Variants in STRN3 observed in about 807,000 individuals in gnomAD.
The protein encoded by STRN3 is striatin-3.
STRN3 carries 29 observed loss-of-function variants against 95.6 expected under a neutral mutation model. The ratio of observed to expected loss-of-function variants is 0.30; its 90% CI spans 0.23 to 0.41. STRN3 has a LOEUF of 0.41. Among genes scored for constraint, STRN3 ranks in the 10% least tolerant of loss-of-function variants. STRN3 has a pLI of 1.00. For synonymous variants in STRN3, 331 were observed against 357.6 expected, an observed-to-expected ratio of 0.93 and a Z score of 0.84; for missense variants, 890 against 972.1, an observed-to-expected ratio of 0.92 and a Z score of 1.12.
intron 1 of STRN3, among the ~76,000 whole-genome samples, chr14:30,977,148 C>T (rs1400800157): frequency 6.6e-6 from 1 of 152,066 alleles, no homozygotes; most frequent in African/African-American, 2.4e-5. Flanking sequence ...GTCGCTTGAA[C>T]CCAGGAGGCA....
rs1222082828 is a variant in STRN3 at position 30,947,203 on chromosome 14, C to T, written c.603G>A (p.Arg201=). The T allele has an allele frequency of 6.2e-7, 1 of 1,612,990 alleles. No individual in the cohort carries two copies. The highest frequency in any genetic ancestry group is 8.5e-7 in the Non-Finnish European group (1 of 1,179,476). ...TILDVRSQRV[R]SLLGLSNSEP... ...CTGAATTAGATAGTCCAAGTAATGA[C>T]CTTACCCGCTGAGACCGTACATCTA... The change falls in exon 5 of 18, where the codon AGG becomes AGA. Residue 201 remains arginine, a synonymous_variant. Transcript: ENST00000357479.
At chr14:31,012,084 A>G (rs922510000) in intron 1 of STRN3, among the ~76,000 whole-genome samples, 1 of 152,262 alleles carries the variant, frequency 6.6e-6, no homozygotes, top group Non-Finnish European at 1.5e-5. Context: ...TCTGTCTCAA[A>G]AAAAAGAAAA....
At chr14:30,984,537 T>C (rs945280713) in intron 1 of STRN3, among the ~76,000 whole-genome samples, 3 of 152,152 alleles carry the variant, frequency 2.0e-5, no homozygotes, top group Non-Finnish European at 4.4e-5. Flanking sequence ...TATAGCACTT[T>C]GGGAGGCTGA....
intron 1 of STRN3, among the ~76,000 whole-genome samples, chr14:31,002,162 A>G (rs1882485810): frequency 1.4e-5 from 1 of 73,416 alleles, no homozygotes; most frequent in African/African-American, 4.9e-5. Context: ...GTGAAATTCC[A>G]TCTCAAAAAA....
intron 1 of STRN3, among the ~76,000 whole-genome samples, chr14:30,972,932 C>T (rs1344550499): frequency 6.6e-6 from 1 of 152,180 alleles, no homozygotes; most frequent in African/African-American, 2.4e-5. Flanking sequence ...AAGATTAGGC[C>T]GGGTGCGGGC....
chr14:31,004,666 G>A (rs899993480), intron 1 of STRN3, among the ~76,000 whole-genome samples: 1 of 152,058 alleles, frequency 6.6e-6, no homozygotes, highest in African/African-American at 2.4e-5. Context: ...CCAGCTACTT[G>A]GGAGGCTGAG....
intron 1 of STRN3, among the ~76,000 whole-genome samples, chr14:30,983,388 C>CA (rs1881505542): frequency 6.6e-6 from 1 of 151,952 alleles, no homozygotes; most frequent in Non-Finnish European, 1.5e-5. Context: ...ACTAAAAATA[C>CA]AAAAAAATTA....
chr14:31,011,997 G>A (rs1034471681), intron 1 of STRN3, among the ~76,000 whole-genome samples: 2 of 152,084 alleles, frequency 1.3e-5, no homozygotes, highest in African/African-American at 2.4e-5. Flanking sequence ...CAGAAGAATC[G>A]CTTGAATCCA....
rs768252735 is a variant in STRN3 at position 30,895,589 on chromosome 14, GAACA to G, written c.2225-13_2225-10del. 36 of 1,610,204 alleles carry G rather than the reference GAACA, an allele frequency of 2.2e-5. No individual in the cohort carries two copies. Among genetic ancestry groups the G allele is most frequent in the Non-Finnish European group, 3.0e-5 (35 of 1,177,806 alleles). On this transcript the variant is annotated splice_polypyrimidine_tract_variant and intron_variant, in intron 17 of 17. Coordinates refer to ENST00000357479, the MANE Select transcript of STRN3 (RefSeq NM_001083893.2). The stretch of plus-strand genomic sequence containing the variant: ...GATGGAACAGTCATGGCCTGTAAAA[GAACA>G]AATAAAATTTGTTACTGAGTAACAA...
Position 30,919,117 on chromosome 14 carries a change from A to G in STRN3, c.1100-11T>C. 1 of 1,597,410 alleles carries G rather than the reference A, an allele frequency of 6.3e-7. No individual in the cohort carries two copies. Among genetic ancestry groups the G allele is most frequent in the Non-Finnish European group, 8.5e-7 (1 of 1,170,598 alleles). Reference sequence around the variant, plus strand: ...TTGTCCTGTTGGCCCCTGTAAATTAATGTCAGCAGTAGAGGTTCATTTAAT... The same window carrying G: ...TTGTCCTGTTGGCCCCTGTAAATTAGTGTCAGCAGTAGAGGTTCATTTAAT... On this transcript the variant is annotated splice_polypyrimidine_tract_variant and intron_variant, in intron 8 of 17. Coordinates refer to ENST00000357479, the MANE Select transcript of STRN3 (RefSeq NM_001083893.2).
chr14:30,946,589 A>C (rs914659654), intron 5 of STRN3, among the ~76,000 whole-genome samples: 2 of 152,150 alleles, frequency 1.3e-5, no homozygotes, highest in East Asian at 1.9e-4. Flanking sequence ...GAAAGCCATT[A>C]AACAGAAAAT....
At chr14:30,957,710 C>T (rs1246177056) in intron 1 of STRN3, among the ~76,000 whole-genome samples, 1 of 152,070 alleles carries the variant, frequency 6.6e-6, no homozygotes, top group Non-Finnish European at 1.5e-5. Context: ...CTAGCCCTTC[C>T]CTATATGTCA....
At chr14:30,904,271 A>G (rs1896402327) in intron 15 of STRN3, among the ~76,000 whole-genome samples, 1 of 152,212 alleles carries the variant, frequency 6.6e-6, no homozygotes. Flanking sequence ...AAGTCATGGC[A>G]AAAGGACTCA....
intron 1 of STRN3, among the ~76,000 whole-genome samples, chr14:31,019,857 G>A (rs1394849348): frequency 1.3e-5 from 2 of 150,608 alleles, no homozygotes; most frequent in Non-Finnish European, 3.0e-5. Flanking sequence ...TTAGCCTTTT[G>A]AATCATTATA....
chr14:30,964,807 G>A (rs1199188532), intron 1 of STRN3, among the ~76,000 whole-genome samples: 4 of 151,896 alleles, frequency 2.6e-5, no homozygotes, highest in Non-Finnish European at 2.9e-5. Flanking sequence ...GTAATCCCAA[G>A]TACTCCAGAG....
At chr14:30,915,964 T>C (rs541683886) in intron 9 of STRN3, among the ~76,000 whole-genome samples, 11 of 152,330 alleles carry the variant, frequency 7.2e-5, no homozygotes, top group African/African-American at 2.2e-4. Context: ...TATGACCACA[T>C]TTCTGTCCTT....
intron 2 of STRN3, 118 bp downstream of exon 2, chr14:30,956,021 A>G: frequency 1.4e-6 from 1 of 736,954 alleles, no homozygotes; most frequent in Non-Finnish European, 2.2e-6. Flanking sequence ...AGACAGCATC[A>G]TGTATTCGGG....
At chr14:30,955,127 G>A (rs1879836671) in intron 3 of STRN3, among the ~76,000 whole-genome samples, 1 of 152,082 alleles carries the variant, frequency 6.6e-6, no homozygotes, top group East Asian at 1.9e-4. Flanking sequence ...GAAAAGCCAG[G>A]TCAAAGAAAA....
chr14:30,977,455 GGGAAGAAAGA>G (rs1697224303), intron 1 of STRN3, among the ~76,000 whole-genome samples: 1 of 151,658 alleles, frequency 6.6e-6, no homozygotes, highest in South Asian at 2.1e-4. Flanking sequence ...ATGGAGAAAG[GGGAAGAAAGA>G]GGAAGAAAGA....
Sources: gnomAD v4.1 joint callset for allele counts (sites outside exome capture counted in the v4.1 genomes callset) on GRCh38, gnomAD v4.1.1 for gene constraint, MANE v1.5 for transcripts, NCBI Gene and HGNC (gene_info 2026-07-23, HGNC 2026-07-21) for gene names.